The following KIF26B variants were observed in gnomAD, a reference collection of about 807,000 sequenced individuals.
KIF26B encodes kinesin family member 26B.
KIF26B carries 63 observed loss-of-function variants against 151.2 expected under a neutral mutation model. The observed-to-expected ratio is 0.42, with a 90% CI of 0.34 to 0.51. The LOEUF is 0.51. Among genes scored for constraint, KIF26B ranks in the 20% least tolerant of loss-of-function variants. The probability of loss-of-function intolerance (pLI) is 0.07; values close to 1 mark genes in which losing one functional copy is unlikely to be tolerated. For synonymous variants in KIF26B, 1,357 were observed against 1,262.1 expected (o/e 1.08, Z -1.59); for missense variants, 2,813 against 2,913.6 (o/e 0.97, Z 0.79).
intron 2 of KIF26B, among the ~76,000 whole-genome samples, chr1:245,225,448 C>T (rs541369430): frequency 3.3e-5 from 5 of 152,362 alleles, no homozygotes; most frequent in Middle Eastern, 3.4e-3. Flanking sequence ...CGATGGCCCT[C>T]TGCAGGAGGG....
chr1:245,453,477 G>A (rs1221412389), intron 4 of KIF26B, among the ~76,000 whole-genome samples: 2 of 152,132 alleles, frequency 1.3e-5, no homozygotes, highest in East Asian at 1.9e-4. Context: ...TGACCAAGAA[G>A]AGTGCCTTTT....
chr1:245,243,435 CAT>C (rs112741378), intron 2 of KIF26B, among the ~76,000 whole-genome samples: 6,145 of 145,974 alleles, frequency 0.042, 151 homozygotes, highest in East Asian at 0.077. Context: ...TATATACATA[CAT>C]ATATATATAT....
chr1:245,395,778 G>A (rs1207693266), intron 3 of KIF26B, among the ~76,000 whole-genome samples: 1 of 152,198 alleles, frequency 6.6e-6, no homozygotes, highest in Non-Finnish European at 1.5e-5. Context: ...TTTATTCACT[G>A]CACTGTGAGC....
At position 245,606,832 on chromosome 1, in the gene KIF26B, G is replaced by A. The variant is rs937936894; in HGVS notation, c.1558-819G>A. Among the ~76,000 whole-genome samples, 2 of 152,174 alleles carry A rather than the reference G, an allele frequency of 1.3e-5. No homozygotes were observed. The highest frequency in any genetic ancestry group is 2.9e-5 in the Non-Finnish European group (2 of 68,020). On this transcript the variant is annotated intron_variant, in intron 6 of 14. Transcript: ENST00000407071. This position sits in a 1 kb window ranked among gnomAD's most constrained non-coding sequence, Gnocchi z 4.6. ...AATCCCAGCACTTTGGGAGGCCGAG[G>A]CGGGTGGATCACCTGAGGTCAGGAG...
In KIF26B at chr1:245,495,206, T is replaced by A. The variant is rs57712954; in HGVS notation, c.1167-45561T>A. 0.018 allele frequency among the ~76,000 whole-genome samples: 2,741 copies of A among 151,888 alleles called. 92 individuals carry two copies. Among genetic ancestry groups the A allele is most frequent in the African/African-American group, 0.063 (2,622 of 41,398 alleles). On this transcript the variant is annotated intron_variant, in intron 4 of 14. Transcript: ENST00000407071. The surrounding 1 kb of genome is among the most constrained non-coding windows in gnomAD (Gnocchi z 4.2). ...AATCAGTTGAAAATATCCAGAGAGA[T>A]ACATGGAGAACAAAAAGGATCAAAA...
intron 2 of KIF26B, among the ~76,000 whole-genome samples, chr1:245,361,292 C>G (rs1672812783): frequency 6.6e-6 from 1 of 152,218 alleles, no homozygotes; most frequent in African/African-American, 2.4e-5. Flanking sequence ...TAATCCAGAG[C>G]AGAATCACTT....
At chr1:245,389,943 C>T (rs1673644690) in intron 3 of KIF26B, among the ~76,000 whole-genome samples, 1 of 152,184 alleles carries the variant, frequency 6.6e-6, no homozygotes, top group South Asian at 2.1e-4. Flanking sequence ...TCAAAGTGTG[C>T]TCCACAGACC....
In KIF26B at chr1:245,686,272, G is replaced by T. The variant is rs2044517435; in HGVS notation, c.3289G>T (p.Val1097Phe). ...ATGCAAAGTCTACACCCAGAAGGGGGTCCTGCCGTCTCCCGCCCCACTGCC... is the reference window on the plus strand; with the variant it reads ...ATGCAAAGTCTACACCCAGAAGGGGTTCCTGCCGTCTCCCGCCCCACTGCC... ...QRCKVYTQKG[V>F]LPSPAPLPPS... The change falls in exon 12 of 15, where the codon GTC (valine) becomes TTC (phenylalanine). Residue 1097 changes from valine to phenylalanine, a missense_variant. Around this residue, in one of 3 missense-constraint regions of KIF26B, gnomAD observed 2,060 missense variants for 2,088.6 expected, o/e 0.99. Transcript: ENST00000407071. The surrounding 1 kb of genome is among the most constrained non-coding windows in gnomAD (Gnocchi z 5.6). 6.2e-7 allele frequency: 1 copy of T among 1,612,794 alleles called. No individual in the cohort carries two copies. The highest frequency in any genetic ancestry group is 1.3e-5 in the African/African-American group (1 of 74,926).
Position 245,156,384 on chromosome 1 carries a change from C to G in KIF26B, c.166C>G (p.Pro56Ala), listed in dbSNP as rs1668432820. The G allele has an allele frequency of 6.5e-7, 1 of 1,542,658 alleles. No homozygotes were observed. Among genetic ancestry groups the G allele is most frequent in the South Asian group, 1.2e-5 (1 of 83,860 alleles). ...GTCGCGCGCCGGCAGCCGGCCCACT[C>G]CTGAGGGCGCGGGCTCAGCGCTCGG... ...EESRAGSRPT[P>A]EGAGSALGSS... Residue 56 changes from proline (P) to alanine (A), a missense_variant, in exon 2 of 15, where the codon CCT becomes GCT. Pro to Ala is a conservative substitution (Grantham distance 27, BLOSUM62 -1). Transcript: ENST00000407071.
chr1:245,263,691 C>G (rs1377388778), intron 2 of KIF26B, among the ~76,000 whole-genome samples: 1 of 152,190 alleles, frequency 6.6e-6, no homozygotes, highest in Non-Finnish European at 1.5e-5. Flanking sequence ...TGGGACTTGC[C>G]AGACCCATTT....
intron 3 of KIF26B, among the ~76,000 whole-genome samples, chr1:245,387,365 A>C (rs892084261): frequency 8.8e-6 from 1 of 114,232 alleles, no homozygotes; most frequent in Non-Finnish European, 1.8e-5. Flanking sequence ...CGGTTTTACC[A>C]TGTTGGCCAG....
intron 2 of KIF26B, among the ~76,000 whole-genome samples, chr1:245,319,482 C>T (rs923796213): frequency 6.6e-6 from 1 of 150,570 alleles, no homozygotes; most frequent in African/African-American, 2.4e-5. Context: ...TTACATCTTT[C>T]GTGCTTGGCA....
chr1:245,645,927 G>A (rs1179059457), intron 9 of KIF26B, among the ~76,000 whole-genome samples, 194 bp from the exon 10 acceptor site: 1 of 152,182 alleles, frequency 6.6e-6, no homozygotes, highest in East Asian at 1.9e-4. Context: ...GGTGCGTGGT[G>A]GAAAGAATTT....
chr1:245,652,102 CTGTG>C (rs56893913), intron 10 of KIF26B, among the ~76,000 whole-genome samples: 2,072 of 136,416 alleles, frequency 0.015, 15 homozygotes, highest in Middle Eastern at 0.025. Flanking sequence ...ATGTAAGAAT[CTGTG>C]TGTGTGTGTG....
At chr1:245,662,898 C>T (rs2044172021) in intron 10 of KIF26B, among the ~76,000 whole-genome samples, 1 of 151,526 alleles carries the variant, frequency 6.6e-6, no homozygotes, top group East Asian at 1.9e-4. Flanking sequence ...TTTTTTTGTA[C>T]ACATGTGGAT....
At position 245,339,335 on chromosome 1, in the gene KIF26B, A is replaced by C. The variant is rs191437547; in HGVS notation, c.466-27499A>C. ...CTTAATGGATAAAGTTTCTTCTGCT[A>C]AGGCGGCCATGTTGGTTTATTATTC... On this transcript the variant is annotated intron_variant, in intron 2 of 14. Coordinates refer to ENST00000407071, the MANE Select transcript of KIF26B (RefSeq NM_018012.4). 5.7e-4 allele frequency among the ~76,000 whole-genome samples: 87 copies of C among 152,304 alleles called. 1 individual carries two copies. In the East Asian group the frequency reaches 0.013, roughly 23 times the overall value.
intron 2 of KIF26B, among the ~76,000 whole-genome samples, chr1:245,238,032 A>AT (rs1303524941): frequency 9.5e-6 from 1 of 105,546 alleles, no homozygotes; most frequent in African/African-American, 3.0e-5. Flanking sequence ...TCTCAAAAAA[A>AT]AAAAAAAAGT....
At chr1:245,448,580 G>A (rs1014472694) in intron 4 of KIF26B, among the ~76,000 whole-genome samples, 6 of 152,160 alleles carry the variant, frequency 3.9e-5, no homozygotes, top group African/African-American at 1.4e-4. Flanking sequence ...ACTAAGATAA[G>A]GACTAATCTT....
At position 245,495,234 on chromosome 1, in the gene KIF26B, CAG is replaced by C. The variant is rs1427338083; in HGVS notation, c.1167-45531_1167-45530del. ...ATGGAGAACAAAAAGGATCAAAATA[CAG>C]AAAAGAGCAGAAGAGACATATGGAA... On this transcript the variant is annotated intron_variant, in intron 4 of 14. Coordinates refer to ENST00000407071, the MANE Select transcript of KIF26B (RefSeq NM_018012.4). The surrounding 1 kb of genome is among the most constrained non-coding windows in gnomAD (Gnocchi z 4.2). 6.6e-6 allele frequency among the ~76,000 whole-genome samples: 1 copy of C among 151,872 alleles called. No individual in the cohort carries two copies. Among genetic ancestry groups the C allele is most frequent in the Admixed American group, 6.6e-5 (1 of 15,248 alleles).
Sources: gnomAD v4.1 joint callset for allele counts (sites outside exome capture counted in the v4.1 genomes callset) on GRCh38, gnomAD v4.1.1 for gene constraint, gnomAD v4.1.1 regional missense constraint, Gnocchi (gnomAD v3.1) non-coding constraint, MANE v1.5 for transcripts, NCBI Gene and HGNC (gene_info 2026-07-23, HGNC 2026-07-21) for gene names.